The following FLT1 variants were observed in gnomAD, a reference collection of about 807,000 sequenced individuals.
FLT1 encodes the protein vascular endothelial growth factor receptor 1.
Under a neutral mutation model 156.3 loss-of-function variants are expected in FLT1, and 49 were observed. That is an observed-to-expected ratio of 0.31 (90% CI 0.25 to 0.40). FLT1 has a LOEUF of 0.40. Ranked by LOEUF, FLT1 falls within the 10% of genes least tolerant of loss-of-function variation. FLT1 has a pLI of 1.00. For missense variants in FLT1, 1,322 were observed against 1,637.2 expected, an observed-to-expected ratio of 0.81 and a Z score of 3.32; for synonymous variants, 594 against 583.8, an observed-to-expected ratio of 1.02 and a Z score of -0.25.
intron 14 of FLT1, among the ~76,000 whole-genome samples, chr13:28,384,038 T>C (rs1405191385): frequency 1.3e-5 from 2 of 152,198 alleles, no homozygotes; most frequent in Admixed American, 1.3e-4. Flanking sequence ...AATAAACCTA[T>C]ACCCACTGGT....
At chr13:28,468,907 C>G (rs1220727455) in intron 1 of FLT1, among the ~76,000 whole-genome samples, 2 of 152,232 alleles carry the variant, frequency 1.3e-5, no homozygotes, top group African/African-American at 4.8e-5. Flanking sequence ...GCCTAACAGA[C>G]AGCCTCATGA....
chr13:28,486,789 G>A (rs772164473), intron 1 of FLT1, among the ~76,000 whole-genome samples: 8 of 152,194 alleles, frequency 5.3e-5, no homozygotes, highest in African/African-American at 9.7e-5. Flanking sequence ...AGGAATTCTC[G>A]TAAATAGTTT....
intron 1 of FLT1, among the ~76,000 whole-genome samples, chr13:28,473,882 G>C (rs760106236): frequency 9.2e-5 from 14 of 151,980 alleles, no homozygotes; most frequent in Non-Finnish European, 1.6e-4. Context: ...TCCATCATCT[G>C]ATGAATGGGT....
chr13:28,415,218 G>C lies in FLT1; in HGVS notation c.1437-9324C>G, dbSNP rs536291867. On this transcript the variant is annotated intron_variant, in intron 10 of 29. Coordinates refer to ENST00000282397, the MANE Select transcript of FLT1 (RefSeq NM_002019.4). Reference sequence around the variant, plus strand: ...ACTTTGCCCGGGTGCGGTGGCTCATGCCTGTAATCCCAGCACTTTGGGAGG... The same window carrying C: ...ACTTTGCCCGGGTGCGGTGGCTCATCCCTGTAATCCCAGCACTTTGGGAGG... Among the ~76,000 whole-genome samples, 3 of 152,326 alleles carry C rather than the reference G, an allele frequency of 2.0e-5. No individual in the cohort carries two copies. The East Asian group carries it at 5.8e-4, about 29-fold the overall frequency.
chr13:28,430,377 G>A (rs1210212006), intron 7 of FLT1, among the ~76,000 whole-genome samples: 1 of 152,114 alleles, frequency 6.6e-6, no homozygotes, highest in African/African-American at 2.4e-5. Context: ...ATGGTATCAC[G>A]TCCTAGCCAC....
intron 24 of FLT1, among the ~76,000 whole-genome samples, chr13:28,318,171 A>G (rs1290966441): frequency 2.0e-5 from 3 of 152,262 alleles, no homozygotes; most frequent in East Asian, 3.9e-4. Flanking sequence ...TAGGCTACAT[A>G]GGAATCATTC....
chr13:28,458,257 T>C (rs1025916429), intron 3 of FLT1, among the ~76,000 whole-genome samples: 5 of 152,170 alleles, frequency 3.3e-5, no homozygotes, highest in African/African-American at 7.2e-5. Flanking sequence ...ACCACAGTCA[T>C]CAACTTTTCA....
chr13:28,340,421 AC>A (rs1360004420), intron 16 of FLT1, among the ~76,000 whole-genome samples: 17 of 152,314 alleles, frequency 1.1e-4, no homozygotes, highest in African/African-American at 4.1e-4. Flanking sequence ...AAGTGGATTT[AC>A]ATTTAATGTC....
At chr13:28,466,664 A>G in intron 3 of FLT1, 1 of 582,974 alleles carries the variant, frequency 1.7e-6, no homozygotes, top group Non-Finnish European at 3.1e-6. Flanking sequence ...AGCTGTGGGT[A>G]CAGAGGTGAC....
chr13:28,308,967 G>A lies in FLT1; in HGVS notation c.3636-40C>T, dbSNP rs767248226. The A allele has an allele frequency of 4.8e-6, 6 of 1,251,462 alleles. No individual in the cohort carries two copies. The African/African-American group carries it at 8.7e-5, about 18-fold the overall frequency. 77.5% of individuals were successfully genotyped at this position (1,251,462 alleles called of 1,614,324 possible). On this transcript the variant is annotated intron_variant, in intron 27 of 29. Coordinates refer to ENST00000282397, the MANE Select transcript of FLT1 (RefSeq NM_002019.4). ...GAAAGAATTATCAAGACAGGAAAAGGCATCCAGCTCTAATGAGTCAGGAGA... is the reference window on the plus strand; with the variant it reads ...GAAAGAATTATCAAGACAGGAAAAGACATCCAGCTCTAATGAGTCAGGAGA...
chr13:28,317,685 C>T lies in FLT1; in HGVS notation c.3287-88G>A, dbSNP rs190590622. 1.5e-4 allele frequency: 123 copies of T among 819,448 alleles called. No individual in the cohort carries two copies. The East Asian group carries it at 2.8e-3, about 19-fold the overall frequency. The allele number at this position is 819,448 out of a possible 1,614,324, so 50.8% of individuals were successfully genotyped here. A position where few individuals can be genotyped will look rare whatever the true frequency, so the allele number is the denominator to read the frequency against. On this transcript the variant is annotated intron_variant, in intron 24 of 29. Coordinates refer to ENST00000282397, the MANE Select transcript of FLT1 (RefSeq NM_002019.4). ...GGGGACAATTCAGTGTTTCTTTCCT[C>T]CCTTTAAAGCTACGTTTTAGTAATA...
chr13:28,387,744 A>G, intron 13 of FLT1: 1 of 1,038,848 alleles, frequency 9.6e-7, no homozygotes, highest in Non-Finnish European at 1.2e-6. Flanking sequence ...ACCTCCCTTC[A>G]TACCCCAGGG....
At chr13:28,381,211 T>A (rs1468372144) in intron 14 of FLT1, among the ~76,000 whole-genome samples, 1 of 152,218 alleles carries the variant, frequency 6.6e-6, no homozygotes, top group African/African-American at 2.4e-5. Flanking sequence ...CATCCTACAC[T>A]AATCTTTCAT....
intron 25 of FLT1, among the ~76,000 whole-genome samples, chr13:28,314,305 T>C (rs1871119141): frequency 6.6e-6 from 1 of 152,224 alleles, no homozygotes; most frequent in African/African-American, 2.4e-5. Flanking sequence ...CCACTTGCTG[T>C]TTGTTACTTT....
In FLT1 at chr13:28,300,876, T is replaced by G. The variant is rs1214605031; in HGVS notation, c.*2291A>C. ...TTATCAGTTAATTCATGTTTCAATT[T>G]TCAGTGCTATTTTAATGAACAAGCA... On this transcript the variant is annotated 3_prime_UTR_variant, in exon 30 of 30. Transcript: ENST00000282397. 2 of 233,160 alleles carry G rather than the reference T, an allele frequency of 8.6e-6. No homozygotes were observed. The highest frequency in any genetic ancestry group is 1.7e-5 in the Non-Finnish European group (2 of 118,042). 14.4% of individuals were successfully genotyped at this position (233,160 alleles called of 1,614,324 possible). A position where few individuals can be genotyped will look rare whatever the true frequency, so the allele number is the denominator to read the frequency against.
intron 29 of FLT1, among the ~76,000 whole-genome samples, chr13:28,304,596 T>C (rs144552758): frequency 4.0e-4 from 61 of 152,312 alleles, no homozygotes; most frequent in African/African-American, 1.4e-3. Flanking sequence ...CAATGGTTTT[T>C]TGTATAGACA....
At chr13:28,350,598 G>T (rs138822322) in intron 15 of FLT1, among the ~76,000 whole-genome samples, 3,873 of 152,196 alleles carry the variant, frequency 0.025, 131 homozygotes, top group Admixed American at 0.089. Flanking sequence ...TGCATGAATG[G>T]GTAGGCAGCA....
chr13:28,480,002 A>C (rs1393307937), intron 1 of FLT1, among the ~76,000 whole-genome samples: 1 of 152,192 alleles, frequency 6.6e-6, no homozygotes, highest in Admixed American at 6.5e-5. Context: ...AGCTCTGTGG[A>C]GAGGTAGTAA....
intron 24 of FLT1, among the ~76,000 whole-genome samples, chr13:28,318,332 C>G (rs891606979): frequency 6.6e-6 from 1 of 151,990 alleles, no homozygotes; most frequent in Non-Finnish European, 1.5e-5. Context: ...TGCCCGTGGC[C>G]AGGAGTCTGC....
Sources: allele counts gnomAD v4.1 joint callset (sites outside exome capture counted in the v4.1 genomes callset), GRCh38; gene constraint gnomAD v4.1.1; transcripts MANE v1.5; gene names NCBI Gene and HGNC (gene_info 2026-07-23, HGNC 2026-07-21).